Variants in EXOC6B observed in about 807,000 individuals in gnomAD.
EXOC6B encodes SEC15 homolog B.
In EXOC6B, 54 loss-of-function variants were observed where a neutral mutation model predicts 113.5. The observed-to-expected ratio is 0.48, with a 90% CI of 0.38 to 0.60. The LOEUF (loss-of-function observed/expected upper bound fraction) is 0.60, where lower values mean the gene tolerates loss of function less well. EXOC6B is among the 20% of genes least tolerant of loss of function. The pLI, the probability that EXOC6B is intolerant of heterozygous loss-of-function variation, is 0.00. For synonymous variants in EXOC6B, 357 were observed against 339.0 expected, an observed-to-expected ratio of 1.05 and a Z score of -0.58; for missense variants, 797 against 977.5, an observed-to-expected ratio of 0.82 and a Z score of 2.46.
intron 1 of EXOC6B, among the ~76,000 whole-genome samples, chr2:72,756,821 G>T (rs1682440567): frequency 6.6e-6 from 1 of 152,106 alleles, no homozygotes; most frequent in African/African-American, 2.4e-5. Context: ...AAGGAAAAAG[G>T]ATGAGGGAAA....
chr2:72,521,726 T>C (rs1701497570), intron 8 of EXOC6B, among the ~76,000 whole-genome samples: 1 of 152,178 alleles, frequency 6.6e-6, no homozygotes, highest in Non-Finnish European at 1.5e-5. Flanking sequence ...AGATGGAGTC[T>C]CGCTCTGTCA....
chr2:72,298,629 G>A (rs1030270745), intron 20 of EXOC6B, among the ~76,000 whole-genome samples: 4 of 152,146 alleles, frequency 2.6e-5, no homozygotes, highest in African/African-American at 9.7e-5. Context: ...GGTACCAGTT[G>A]TTCCTTTCCA....
At chr2:72,483,351 T>A (rs1699216706) in intron 16 of EXOC6B, among the ~76,000 whole-genome samples, 1 of 152,200 alleles carries the variant, frequency 6.6e-6, no homozygotes, top group Non-Finnish European at 1.5e-5. Context: ...TGGAAACACA[T>A]TCTGCCAATC....
At chr2:72,266,917 C>T (rs1684138189) in intron 20 of EXOC6B, among the ~76,000 whole-genome samples, 1 of 152,126 alleles carries the variant, frequency 6.6e-6, no homozygotes, top group Admixed American at 6.6e-5. Flanking sequence ...TTGTTTGTCT[C>T]CTCTTTTATT....
At chr2:72,463,000 A>G (rs1028520994) in intron 18 of EXOC6B, 1 of 152,098 alleles carries the variant, frequency 6.6e-6, no homozygotes, top group East Asian at 1.9e-4. Flanking sequence ...TAAATCAAGA[A>G]TGTAGCCTGG....
intron 20 of EXOC6B, among the ~76,000 whole-genome samples, chr2:72,271,529 A>C (rs1461264317): frequency 1.3e-5 from 2 of 151,814 alleles, no homozygotes; most frequent in Middle Eastern, 3.2e-3. Context: ...AGGAGGAAGG[A>C]AGGTAGGGAG....
chr2:72,801,099 T>C (rs937617002), intron 1 of EXOC6B, among the ~76,000 whole-genome samples: 5 of 152,198 alleles, frequency 3.3e-5, no homozygotes, highest in African/African-American at 1.2e-4. Flanking sequence ...AAAAGTTCAG[T>C]TCAGATATAT....
intron 8 of EXOC6B, among the ~76,000 whole-genome samples, chr2:72,558,498 C>T (rs569545613): frequency 3.8e-4 from 58 of 152,268 alleles, no homozygotes; most frequent in Middle Eastern, 3.4e-3. Flanking sequence ...AGACCAGGCA[C>T]GGTGGCTCAC....
intron 6 of EXOC6B, among the ~76,000 whole-genome samples, chr2:72,652,265 G>A (rs1480363682): frequency 5.9e-5 from 9 of 151,772 alleles, no homozygotes; most frequent in Admixed American, 5.9e-4. Flanking sequence ...AGAGAAAGGA[G>A]GCCAAAAAAA....
chr2:72,762,993 T>C (rs1180589378), intron 1 of EXOC6B, among the ~76,000 whole-genome samples: 1 of 151,998 alleles, frequency 6.6e-6, no homozygotes, highest in East Asian at 1.9e-4. Context: ...AAGTTAAAGA[T>C]GCATACTGTA....
intron 6 of EXOC6B, among the ~76,000 whole-genome samples, chr2:72,653,572 T>A (rs149901570): frequency 0.023 from 3,114 of 136,086 alleles, 55 homozygotes; most frequent in Non-Finnish European, 0.037. Flanking sequence ...TAAAATAAAA[T>A]AAAAAAATAA....
At chr2:72,664,074 G>A (rs1473835812) in intron 6 of EXOC6B, among the ~76,000 whole-genome samples, 7 of 152,040 alleles carry the variant, frequency 4.6e-5, no homozygotes, top group East Asian at 1.9e-4. Context: ...TCTGGGAGAC[G>A]AGGCAGGAAG....
intron 20 of EXOC6B, among the ~76,000 whole-genome samples, chr2:72,219,759 C>T (rs1006370601): frequency 6.6e-6 from 1 of 152,178 alleles, no homozygotes; most frequent in Non-Finnish European, 1.5e-5. Context: ...CTTAATCCAT[C>T]ACCTAATTAT....
chr2:72,573,199 T>C (rs1387906789), intron 7 of EXOC6B, among the ~76,000 whole-genome samples: 1 of 152,158 alleles, frequency 6.6e-6, no homozygotes. Flanking sequence ...ATAAGAACTG[T>C]GTATATATTT....
At chr2:72,581,950 C>T (rs1347214965) in intron 6 of EXOC6B, among the ~76,000 whole-genome samples, 1 of 152,162 alleles carries the variant, frequency 6.6e-6, no homozygotes, top group African/African-American at 2.4e-5. Context: ...CAACAGAGAG[C>T]TTCTCCCAAT....
chr2:72,372,669 C>T lies in EXOC6B; in HGVS notation c.2122+7060G>A, dbSNP rs557950124. Among the ~76,000 whole-genome samples the T allele has an allele frequency of 1.6e-3, 242 of 152,112 alleles. 3 individuals carry two copies. The highest frequency in any genetic ancestry group is 5.3e-3 in the African/African-American group (221 of 41,502). ...GACCATCCTGGCTAACATGGTGAAA[C>T]GCTGTCTCTACTAAAAATACAAAAA... On this transcript the variant is annotated intron_variant, in intron 19 of 21. Coordinates refer to ENST00000272427, the MANE Select transcript of EXOC6B (RefSeq NM_015189.3).
intron 20 of EXOC6B, among the ~76,000 whole-genome samples, chr2:72,326,579 C>T (rs116788742): frequency 0.015 from 2,244 of 152,110 alleles, 59 homozygotes; most frequent in African/African-American, 0.05. Context: ...TTCAAACTGA[C>T]TGACTTTGCT....
chr2:72,718,325 C>G lies in EXOC6B; in HGVS notation c.465-18G>C, dbSNP rs755952036. On this transcript the variant is annotated intron_variant, in intron 5 of 21. Coordinates refer to ENST00000272427, the MANE Select transcript of EXOC6B (RefSeq NM_015189.3). ...GATAATGCCTACAAAAGGAATTGATCACCTTTAGCTCACTCAGTTTTCTTT... is the reference window on the plus strand; with the variant it reads ...GATAATGCCTACAAAAGGAATTGATGACCTTTAGCTCACTCAGTTTTCTTT... 1.2e-6 allele frequency: 2 copies of G among 1,610,858 alleles called. No homozygotes were observed. The highest frequency in any genetic ancestry group is 1.7e-6 in the Non-Finnish European group (2 of 1,177,610).
At chr2:72,358,105 G>A (rs573228056) in intron 19 of EXOC6B, among the ~76,000 whole-genome samples, 1 of 151,910 alleles carries the variant, frequency 6.6e-6, no homozygotes, top group South Asian at 2.1e-4. Flanking sequence ...TGGTAAACAT[G>A]GCATAATACA....
Sources: gnomAD v4.1 joint callset for allele counts (sites outside exome capture counted in the v4.1 genomes callset) on GRCh38, gnomAD v4.1.1 for gene constraint, MANE v1.5 for transcripts, NCBI Gene and HGNC (gene_info 2026-07-23, HGNC 2026-07-21) for gene names.